SEC31A: variants seen among roughly 807,000 people sequenced by gnomAD.
SEC31A encodes SEC31 homolog A, COPII component.
A neutral mutation model predicts 151.0 loss-of-function variants in SEC31A; 70 were observed. That is an observed-to-expected ratio of 0.46 (90% CI 0.38 to 0.57). SEC31A has a LOEUF of 0.57. Among genes scored for constraint, SEC31A ranks in the 20% least tolerant of loss-of-function variants. SEC31A has a pLI of 0.00. For missense variants in SEC31A, 1,330 were observed against 1,471.2 expected, an observed-to-expected ratio of 0.90 and a Z score of 1.57; for synonymous variants, 475 against 505.9, an observed-to-expected ratio of 0.94 and a Z score of 0.82.
At chr4:82,832,688 G>T (rs993981448) in intron 22 of SEC31A, among the ~76,000 whole-genome samples, 1 of 152,052 alleles carries the variant, frequency 6.6e-6, no homozygotes, top group African/African-American at 2.4e-5. Context: ...AATCTACAAA[G>T]AACTTAAACA....
At chr4:82,831,334 A>C (rs1725889894) in intron 22 of SEC31A, 1 of 158,704 alleles carries the variant, frequency 6.3e-6, no homozygotes, top group South Asian at 1.8e-4. Flanking sequence ...TGAAGCTCAG[A>C]AATATCACTG....
intron 22 of SEC31A, among the ~76,000 whole-genome samples, chr4:82,838,417 G>T (rs763061926): frequency 6.6e-6 from 1 of 151,882 alleles, no homozygotes; most frequent in Admixed American, 6.6e-5. Context: ...TCACAGAAAC[G>T]GCAATGCACT....
intron 10 of SEC31A, 61 bp downstream of exon 10, chr4:82,866,747 A>G: frequency 6.9e-7 from 1 of 1,458,464 alleles, no homozygotes; most frequent in Non-Finnish European, 9.2e-7. Context: ...TGACTCTATA[A>G]TAACACTTTG....
At chr4:82,866,785 C>A in intron 10 of SEC31A, 23 bp downstream of exon 10, 8 of 1,593,576 alleles carry the variant, frequency 5.0e-6, no homozygotes, top group African/African-American at 2.7e-5. Flanking sequence ...TGCCTATGGA[C>A]CATAAAAACA....
At chr4:82,862,656 G>T in intron 12 of SEC31A, 84 bp from the exon 13 acceptor site, 3 of 1,205,684 alleles carry the variant, frequency 2.5e-6, no homozygotes, top group Non-Finnish European at 3.7e-6. Context: ...CTTCTCACTG[G>T]CGAAAATCCA....
intron 22 of SEC31A, among the ~76,000 whole-genome samples, chr4:82,830,359 C>CTGAG (rs1725656415): frequency 6.6e-6 from 1 of 152,144 alleles, no homozygotes; most frequent in Non-Finnish European, 1.5e-5. Context: ...TACCCAGGAG[C>CTGAG]TGAGGCAGGA....
chr4:82,833,589 C>T (rs1302260956), intron 22 of SEC31A, among the ~76,000 whole-genome samples: 1 of 150,056 alleles, frequency 6.7e-6, no homozygotes, highest in Non-Finnish European at 1.5e-5. Context: ...CCAGAAATCA[C>T]TACTTCTTAT....
Position 82,872,026 on chromosome 4 carries a change from C to T in SEC31A, c.700G>A (p.Glu234Lys), listed in dbSNP as rs749896740. 6.8e-6 allele frequency: 11 copies of T among 1,613,926 alleles called. No individual in the cohort carries two copies. The highest frequency in any genetic ancestry group is 2.7e-5 in the African/African-American group (2 of 74,894). The change falls in exon 7 of 27, where the codon GAG (glutamate) becomes AAG (lysine). Residue 234 changes from glutamate to lysine, a missense_variant. Coordinates refer to ENST00000395310, the MANE Select transcript of SEC31A (RefSeq NM_001077207.4). ...TGGATCACTGGTAACCGGTCATCCT[C>T]GGAGGCAAGGACCATCTGAGTAGCA... ...DVATQMVLAS[E>K]DDRLPVIQMW...
intron 22 of SEC31A, among the ~76,000 whole-genome samples, chr4:82,838,615 G>A (rs1482754728): frequency 6.6e-6 from 1 of 152,168 alleles, no homozygotes; most frequent in Non-Finnish European, 1.5e-5. Flanking sequence ...CTTTCTTATT[G>A]TATTATATGA....
intron 1 of SEC31A, among the ~76,000 whole-genome samples, chr4:82,888,172 C>T (rs976027508): frequency 7.1e-6 from 1 of 141,386 alleles, no homozygotes; most frequent in African/African-American, 2.6e-5. Flanking sequence ...GCCGGAAGTT[C>T]GGGACCAGCC....
intron 23 of SEC31A, among the ~76,000 whole-genome samples, chr4:82,827,863 T>C (rs1724963778): frequency 6.6e-6 from 1 of 151,124 alleles, no homozygotes; most frequent in Non-Finnish European, 1.5e-5. Flanking sequence ...TGGACTTCTT[T>C]GTCTCCCTTT....
chr4:82,829,187 C>A, intron 22 of SEC31A, 129 bp from the exon 23 acceptor site: 1 of 695,548 alleles, frequency 1.4e-6, no homozygotes, highest in Admixed American at 2.4e-5. Context: ...GTTTTACCAG[C>A]CGAGTGTGGG....
chr4:82,851,986 G>A (rs1196183909), intron 18 of SEC31A, among the ~76,000 whole-genome samples: 9 of 152,194 alleles, frequency 5.9e-5, no homozygotes, highest in Admixed American at 5.2e-4. Flanking sequence ...GTTTGGTTGT[G>A]TCCCCACCCA....
At chr4:82,885,406 TTATAA>T (rs1382555524) in intron 1 of SEC31A, among the ~76,000 whole-genome samples, 5 of 152,186 alleles carry the variant, frequency 3.3e-5, no homozygotes, top group African/African-American at 7.2e-5. Flanking sequence ...TATATTTTCA[TTATAA>T]TATGTGTTTC....
chr4:82,859,290 T>A (rs1018479357), intron 14 of SEC31A, among the ~76,000 whole-genome samples: 1 of 152,234 alleles, frequency 6.6e-6, no homozygotes, highest in African/African-American at 2.4e-5. Flanking sequence ...GTTATAAATT[T>A]CTGAGACTAC....
chr4:82,824,786 C>T, intron 24 of SEC31A, 112 bp from the exon 25 acceptor site: 1 of 1,152,728 alleles, frequency 8.7e-7, no homozygotes, highest in Non-Finnish European at 1.2e-6. Flanking sequence ...TAGACCTATT[C>T]AAAATCAAAT....
chr4:82,823,172 G>A lies in SEC31A; in HGVS notation c.3411+1383C>T, dbSNP rs77052863. The stretch of plus-strand genomic sequence containing the variant: ...CCAAGAGGAATATAGTATGATGACC[G>A]AGAGAAGGGTAAATTAACAAAAAAT... On this transcript the variant is annotated intron_variant, in intron 25 of 26. Coordinates refer to ENST00000395310, the MANE Select transcript of SEC31A (RefSeq NM_001077207.4). 6.5e-3 allele frequency among the ~76,000 whole-genome samples: 994 copies of A among 152,262 alleles called. 16 individuals are homozygous for A. Among genetic ancestry groups the A allele is most frequent in the South Asian group, 5.8e-3 (28 of 4,824 alleles).
chr4:82,853,940 G>A (rs1335607761), intron 17 of SEC31A, among the ~76,000 whole-genome samples: 2 of 152,086 alleles, frequency 1.3e-5, no homozygotes, highest in Non-Finnish European at 2.9e-5. Flanking sequence ...TTATCTAACT[G>A]TACAACTAAT....
At chr4:82,829,102 G>A (rs753494526) in intron 22 of SEC31A, 44 bp from the exon 23 acceptor site, 14 of 1,511,774 alleles carry the variant, frequency 9.3e-6, no homozygotes, top group African/African-American at 1.4e-5. Flanking sequence ...AATCCTGAAA[G>A]GAAAAAAAAT....
Sources: gnomAD v4.1 joint callset for allele counts (sites outside exome capture counted in the v4.1 genomes callset) on GRCh38, gnomAD v4.1.1 for gene constraint, MANE v1.5 for transcripts, NCBI Gene and HGNC (gene_info 2026-07-23, HGNC 2026-07-21) for gene names.